The following ARID1B variants were observed in gnomAD, a reference collection of about 807,000 sequenced individuals.
ARID1B encodes AT-rich interactive domain-containing protein 1B.
In ARID1B, 30 loss-of-function variants were observed where a neutral mutation model predicts 212.3. The observed-to-expected ratio is 0.14, with a 90% CI of 0.11 to 0.19. The LOEUF (loss-of-function observed/expected upper bound fraction) is 0.19, where lower values mean the gene tolerates loss of function less well. Among genes scored for constraint, ARID1B ranks in the 10% least tolerant of loss-of-function variants. The pLI is 1.00. For missense variants in ARID1B, 2,891 were observed against 3,204.0 expected (o/e 0.90, Z 2.36); for synonymous variants, 1,402 against 1,301.7 (o/e 1.08, Z -1.66).
intron 1 of ARID1B, among the ~76,000 whole-genome samples, chr6:156,812,633 G>A (rs1781631246): frequency 6.6e-6 from 1 of 151,710 alleles, no homozygotes; most frequent in Non-Finnish European, 1.5e-5. Flanking sequence ...TAAATGAATG[G>A]GCATGGCCTC....
At chr6:156,887,053 C>T (rs529823369) in intron 2 of ARID1B, among the ~76,000 whole-genome samples, 6 of 152,258 alleles carry the variant, frequency 3.9e-5, no homozygotes, top group African/African-American at 1.4e-4. Context: ...GCAGCATCTT[C>T]GAATGTAGAA....
intron 2 of ARID1B, among the ~76,000 whole-genome samples, chr6:156,839,169 TA>T (rs66461314): frequency 6.6e-6 from 1 of 152,032 alleles, no homozygotes; most frequent in Non-Finnish European, 1.5e-5. Flanking sequence ...TCTGTTGCTG[TA>T]AAAAAAATCA....
chr6:156,819,389 A>G (rs1782196855), intron 1 of ARID1B, among the ~76,000 whole-genome samples: 1 of 152,228 alleles, frequency 6.6e-6, no homozygotes, highest in Non-Finnish European at 1.5e-5. Context: ...TTCCTTTTAG[A>G]TCTAACTTAC....
chr6:156,946,693 A>G (rs527632514), intron 4 of ARID1B, among the ~76,000 whole-genome samples: 1 of 142,520 alleles, frequency 7.0e-6, no homozygotes, highest in African/African-American at 2.5e-5. Flanking sequence ...AATTGTTGGA[A>G]TAGAGGGAGG....
intron 3 of ARID1B, among the ~76,000 whole-genome samples, chr6:156,915,220 T>G (rs865950105): frequency 3.9e-5 from 6 of 152,202 alleles, no homozygotes; most frequent in South Asian, 4.1e-4. Context: ...TATAGATGCA[T>G]GTATGTGAGC....
rs765810222 is a variant in ARID1B, at chr6:156,935,503, C to G, written c.2174C>G (p.Pro725Arg). The part of the protein sequence containing the change: ...SQEGYGTRSQ[P>R]PLAPGKPNHE... ...GAAGGCTATGGAACTAGATCTCAAC[C>G]TCCTCTGGCCCCCGGAAAACCTAAC... Residue 725 changes from proline (P) to arginine (R), a missense_variant, in exon 4 of 20, where the codon CCT (proline) becomes CGT (arginine). Physicochemically the swap from Pro to Arg is moderately radical, Grantham distance 103. Coordinates refer to ENST00000636930, the MANE Select transcript of ARID1B (RefSeq NM_001374828.1). 1.2e-6 allele frequency: 2 copies of G among 1,613,948 alleles called. No individual in the cohort carries two copies. The highest frequency in any genetic ancestry group is 1.7e-6 in the Non-Finnish European group (2 of 1,179,904).
chr6:157,012,455 A>G (rs1779672293), intron 4 of ARID1B, among the ~76,000 whole-genome samples: 1 of 152,234 alleles, frequency 6.6e-6, no homozygotes, highest in African/African-American at 2.4e-5. Context: ...TAGATTGAGA[A>G]TACATGATGA....
chr6:157,122,279 G>A (rs1399374812), intron 6 of ARID1B, among the ~76,000 whole-genome samples: 2 of 152,186 alleles, frequency 1.3e-5, no homozygotes, highest in Middle Eastern at 3.2e-3. Context: ...ACATTGCCAT[G>A]TAACAAGAAT....
At chr6:156,862,432 AG>A (rs893192715) in intron 2 of ARID1B, among the ~76,000 whole-genome samples, 6 of 152,164 alleles carry the variant, frequency 3.9e-5, no homozygotes, top group African/African-American at 1.4e-4. Flanking sequence ...CCAACACTTA[AG>A]GGGGGTATAT....
At chr6:156,877,708 C>CTTT (rs527950418) in intron 2 of ARID1B, among the ~76,000 whole-genome samples, 1 of 142,132 alleles carries the variant, frequency 7.0e-6, no homozygotes. Flanking sequence ...CATATTTATC[C>CTTT]TTTTTTTTTT....
chr6:156,985,879 A>C (rs1777886064), intron 4 of ARID1B, among the ~76,000 whole-genome samples: 1 of 152,192 alleles, frequency 6.6e-6, no homozygotes, highest in East Asian at 1.9e-4. Context: ...GGATCAGGAC[A>C]ACGCCTGCTT....
chr6:157,068,108 A>G (rs1256298190), intron 4 of ARID1B, among the ~76,000 whole-genome samples: 1 of 152,228 alleles, frequency 6.6e-6, no homozygotes, highest in Non-Finnish European at 1.5e-5. Context: ...TGTCTTCACA[A>G]TTTGGTTCTC....
chr6:157,084,178 T>G (rs1784819410), intron 4 of ARID1B, among the ~76,000 whole-genome samples: 1 of 147,828 alleles, frequency 6.8e-6, no homozygotes, highest in Non-Finnish European at 1.5e-5. Flanking sequence ...CAAAGTTTGG[T>G]CAAAATTGTG....
chr6:157,139,272 T>G (rs900600863), intron 7 of ARID1B, among the ~76,000 whole-genome samples: 2 of 152,196 alleles, frequency 1.3e-5, no homozygotes, highest in African/African-American at 2.4e-5. Context: ...TGGGCTTCAT[T>G]AAGACAGCGG....
chr6:156,863,635 C>T (rs1785487468), intron 2 of ARID1B, among the ~76,000 whole-genome samples: 2 of 152,082 alleles, frequency 1.3e-5, no homozygotes, highest in Non-Finnish European at 2.9e-5. Flanking sequence ...AGTTGTATCT[C>T]TATTTTATAG....
chr6:157,132,111 G>C (rs1342443273), intron 6 of ARID1B, among the ~76,000 whole-genome samples: 3 of 152,234 alleles, frequency 2.0e-5, no homozygotes, highest in Non-Finnish European at 4.4e-5. Flanking sequence ...TAGCAAGGCT[G>C]AGTGGTCGGT....
In ARID1B at chr6:157,012,507, C is replaced by A. The variant is rs184067162; in HGVS notation, c.2248-72155C>A. Among the ~76,000 whole-genome samples, 5 of 152,296 alleles carry A rather than the reference C, an allele frequency of 3.3e-5. No homozygotes were observed. In the East Asian group the frequency reaches 9.6e-4, roughly 29 times the overall value. On this transcript the variant is annotated intron_variant, in intron 4 of 19. Transcript: ENST00000636930. ...TGGTGAATATATGGTATACTGGAGG[C>A]TAACTGGAGGCTGCCTTTATGCAAC...
At chr6:157,079,536 G>C (rs1320293215) in intron 4 of ARID1B, among the ~76,000 whole-genome samples, 3 of 152,170 alleles carry the variant, frequency 2.0e-5, no homozygotes, top group Admixed American at 2.0e-4. Context: ...ATTTTACAGT[G>C]TGTTTCTAAA....
At chr6:157,070,613 A>T (rs536936992) in intron 4 of ARID1B, among the ~76,000 whole-genome samples, 2 of 152,242 alleles carry the variant, frequency 1.3e-5, no homozygotes, top group Non-Finnish European at 2.9e-5. Context: ...CAATCAGGCC[A>T]GGAGTTCAGG....
Sources: gnomAD v4.1 joint callset for allele counts (sites outside exome capture counted in the v4.1 genomes callset) on GRCh38, gnomAD v4.1.1 for gene constraint, MANE v1.5 for transcripts, NCBI Gene and HGNC (gene_info 2026-07-23, HGNC 2026-07-21) for gene names.